The following VPS35L variants were observed in gnomAD, a reference collection of about 807,000 sequenced individuals.
VPS35L encodes the protein VPS35 endosomal protein sorting factor like.
A neutral mutation model predicts 133.0 loss-of-function variants in VPS35L; 83 were observed. The ratio of observed to expected loss-of-function variants is 0.62; its 90% CI spans 0.52 to 0.75. The LOEUF (loss-of-function observed/expected upper bound fraction) is 0.75, where lower values mean the gene tolerates loss of function less well. VPS35L is among the 30% of genes least tolerant of loss of function. The pLI is 0.00. For synonymous variants in VPS35L, 423 were observed against 449.9 expected, an observed-to-expected ratio of 0.94 and a Z score of 0.76; for missense variants, 1,083 against 1,206.8, an observed-to-expected ratio of 0.90 and a Z score of 1.52.
intron 28 of VPS35L, among the ~76,000 whole-genome samples, chr16:19,688,996 G>A (rs1975566848): frequency 1.3e-5 from 2 of 151,742 alleles, no homozygotes; most frequent in Admixed American, 1.3e-4. Flanking sequence ...TGACAACAAA[G>A]CAACAGAGCT....
intron 3 of VPS35L, among the ~76,000 whole-genome samples, chr16:19,571,903 A>G (rs936044408): frequency 6.6e-6 from 1 of 151,034 alleles, no homozygotes; most frequent in African/African-American, 2.4e-5. Flanking sequence ...ATGTTAGTAC[A>G]TTTAGAACAA....
chr16:19,698,726 T>C (rs757493112), intron 29 of VPS35L, among the ~76,000 whole-genome samples: 16 of 152,180 alleles, frequency 1.1e-4, no homozygotes, highest in Non-Finnish European at 2.2e-4. Flanking sequence ...TGTGCAGATG[T>C]GGGATCTGCC....
Position 19,555,745 on chromosome 16 carries a change from T to C in VPS35L, c.16T>C (p.Trp6Arg), listed in dbSNP as rs936227605. 7.6e-6 allele frequency: 12 copies of C among 1,581,064 alleles called. No homozygotes were observed. The highest frequency in any genetic ancestry group is 9.4e-6 in the Non-Finnish European group (11 of 1,164,094). The change falls in exon 1 of 31, where the codon TGG (tryptophan) becomes CGG (arginine). Residue 6 changes from tryptophan to arginine, a missense_variant and splice_region_variant. Trp to Arg is a moderately radical substitution (Grantham distance 101, BLOSUM62 -3). Coordinates refer to ENST00000417362, the MANE Select transcript of VPS35L (RefSeq NM_020314.7). MAVFP[W>R]HSRNRNYKAE... is the part of the protein sequence containing the mutation. ...GACTGGGAAGATGGCCGTCTTTCCT[T>C]GGTAAGGAAGCAGCGGCGGGTGGGC...
rs1002364814 is a variant in VPS35L, at chr16:19,616,868, A to G, written c.1224+60A>G. The G allele has an allele frequency of 2.5e-6, 4 of 1,610,396 alleles. No homozygotes were observed. The African/African-American group carries it at 5.3e-5, about 22-fold the overall frequency. ...TCCTGTATGGTGACAGCCCCTGCCC[A>G]CTGTGCCCTTTAACGTTAATGGGAC... On this transcript the variant is annotated intron_variant, in intron 14 of 30. Coordinates refer to ENST00000417362, the MANE Select transcript of VPS35L (RefSeq NM_020314.7).
chr16:19,588,228 C>G (rs1971935314), intron 7 of VPS35L, among the ~76,000 whole-genome samples: 1 of 151,752 alleles, frequency 6.6e-6, no homozygotes, highest in African/African-American at 2.4e-5. Flanking sequence ...GTTGTCCAGG[C>G]TGGAGTGCAG....
At chr16:19,629,901 T>G in intron 18 of VPS35L, 81 bp downstream of exon 18, 2 of 1,336,448 alleles carry the variant, frequency 1.5e-6, no homozygotes, top group Non-Finnish European at 2.1e-6. Context: ...GTTTAGGTAT[T>G]GAGGCATTTG....
intron 27 of VPS35L, among the ~76,000 whole-genome samples, chr16:19,681,590 G>A (rs1975281701): frequency 6.6e-6 from 1 of 152,224 alleles, no homozygotes; most frequent in South Asian, 2.1e-4. Flanking sequence ...TGGAATTGAA[G>A]CTGCTTACTT....
At chr16:19,636,605 G>C (rs1431894979) in intron 19 of VPS35L, among the ~76,000 whole-genome samples, 1 of 152,188 alleles carries the variant, frequency 6.6e-6, no homozygotes, top group Non-Finnish European at 1.5e-5. Context: ...GACTGACCTA[G>C]TAAGCTGCCT....
intron 20 of VPS35L, among the ~76,000 whole-genome samples, chr16:19,638,766 G>C (rs1293421130): frequency 6.6e-6 from 1 of 152,214 alleles, no homozygotes; most frequent in Non-Finnish European, 1.5e-5. Flanking sequence ...GGACAGAACA[G>C]TATAGCGTGA....
intron 22 of VPS35L, among the ~76,000 whole-genome samples, chr16:19,644,260 A>C (rs765876259): frequency 2.6e-5 from 4 of 152,232 alleles, no homozygotes; most frequent in Non-Finnish European, 5.9e-5. Context: ...TTTACAATGT[A>C]TCAAAAAAAT....
At chr16:19,591,094 G>A (rs1015691313) in intron 7 of VPS35L, among the ~76,000 whole-genome samples, 1 of 152,142 alleles carries the variant, frequency 6.6e-6, no homozygotes, top group Non-Finnish European at 1.5e-5. Context: ...TATTTCCAGA[G>A]TAACATGTAT....
At chr16:19,619,347 C>G (rs1973003253) in intron 14 of VPS35L, among the ~76,000 whole-genome samples, 1 of 152,068 alleles carries the variant, frequency 6.6e-6, no homozygotes. Flanking sequence ...GGTGAATAGT[C>G]TTACCATTAA....
chr16:19,605,981 G>C (rs2151542883), intron 9 of VPS35L, among the ~76,000 whole-genome samples: 1 of 152,270 alleles, frequency 6.6e-6, no homozygotes, highest in African/African-American at 2.4e-5. Flanking sequence ...TGAAGTAAAG[G>C]AATATAATAT....
chr16:19,673,808 A>G (rs1974957342), intron 27 of VPS35L, among the ~76,000 whole-genome samples: 1 of 152,112 alleles, frequency 6.6e-6, no homozygotes, highest in Non-Finnish European at 1.5e-5. Context: ...TTTTTCACTC[A>G]TGAAACCTGA....
rs963058743 is a variant in VPS35L, at chr16:19,610,468, G to A, written c.1023+53G>A. Reference sequence around the variant, plus strand: ...CGGCACGGCTGCCACCCGTCTCCTTGAATGTTCACACAGGGCCCTCCTTCC... The same window carrying A: ...CGGCACGGCTGCCACCCGTCTCCTTAAATGTTCACACAGGGCCCTCCTTCC... On this transcript the variant is annotated intron_variant, in intron 12 of 30. Transcript: ENST00000417362. The A allele has an allele frequency of 2.8e-5, 40 of 1,435,878 alleles. 2 individuals are homozygous for A. The Admixed American group carries it at 7.1e-4, about 26-fold the overall frequency. The allele number at this position is 1,435,878 out of a possible 1,614,324, so 88.9% of individuals were successfully genotyped here. A position where few individuals can be genotyped will look rare whatever the true frequency, so the allele number is the denominator to read the frequency against.
chr16:19,578,430 A>G (rs1971606224), intron 5 of VPS35L: 1 of 405,852 alleles, frequency 2.5e-6, no homozygotes, highest in Non-Finnish European at 4.8e-6. Context: ...GGATTCTGAA[A>G]TAGACGGCCG....
intron 2 of VPS35L, among the ~76,000 whole-genome samples, chr16:19,568,745 C>T (rs1971268927): frequency 6.6e-6 from 1 of 152,114 alleles, no homozygotes; most frequent in African/African-American, 2.4e-5. Flanking sequence ...TCCTGGGCTC[C>T]AGCCATCCTC....
rs74011457 is a variant in VPS35L, at chr16:19,619,527, A to G, written c.1224+2719A>G. Reference sequence around the variant, plus strand: ...TGGTATTCCACTGAACGACGGAAACATACAAGCAGGATTGACGTGGTGAAA... The same window carrying G: ...TGGTATTCCACTGAACGACGGAAACGTACAAGCAGGATTGACGTGGTGAAA... On this transcript the variant is annotated intron_variant, in intron 14 of 30. Transcript: ENST00000417362. Among the ~76,000 whole-genome samples the G allele has an allele frequency of 6.5e-3, 992 of 152,266 alleles. 14 individuals carry two copies. The highest frequency in any genetic ancestry group is 0.022 in the African/African-American group (908 of 41,544).
chr16:19,664,666 C>T (rs1974602513), intron 26 of VPS35L, among the ~76,000 whole-genome samples: 1 of 151,914 alleles, frequency 6.6e-6, no homozygotes, highest in Non-Finnish European at 1.5e-5. Flanking sequence ...TTTGGGAAGC[C>T]AAGGCAACCG....
Sources: allele counts gnomAD v4.1 joint callset (sites outside exome capture counted in the v4.1 genomes callset), GRCh38; gene constraint gnomAD v4.1.1; transcripts MANE v1.5; gene names NCBI Gene and HGNC (gene_info 2026-07-23, HGNC 2026-07-21).